Variants in KIAA1671 observed in about 807,000 individuals in gnomAD.
The protein encoded by KIAA1671 is uncharacterized protein KIAA1671.
In KIAA1671, 52 loss-of-function variants were observed where a neutral mutation model predicts 131.2. That is an observed-to-expected ratio of 0.40 (90% CI 0.32 to 0.50). KIAA1671 has a LOEUF of 0.50. Ranked by LOEUF, KIAA1671 falls within the 20% of genes least tolerant of loss-of-function variation. KIAA1671 has a pLI of 0.73. For synonymous variants in KIAA1671, 1,003 were observed against 961.6 expected, an observed-to-expected ratio of 1.04 and a Z score of -0.80; for missense variants, 2,360 against 2,364.2, an observed-to-expected ratio of 1.00 and a Z score of 0.04.
chr22:25,163,350 T>A (rs1195979768), intron 6 of KIAA1671, among the ~76,000 whole-genome samples: 1 of 146,216 alleles, frequency 6.8e-6, no homozygotes, highest in African/African-American at 2.5e-5. Flanking sequence ...TTTTTTTTTT[T>A]TTTTTTTTTT....
chr22:25,111,071 A>G (rs1027877782), intron 6 of KIAA1671: 2 of 152,522 alleles, frequency 1.3e-5, no homozygotes, highest in Non-Finnish European at 2.9e-5. Context: ...GAGGGAGGAG[A>G]GCGAGGCTGA....
At chr22:25,144,748 T>C (rs1932851993) in intron 6 of KIAA1671, among the ~76,000 whole-genome samples, 1 of 152,128 alleles carries the variant, frequency 6.6e-6, no homozygotes, top group Non-Finnish European at 1.5e-5. Context: ...AGGGCCCCAC[T>C]CCCAGGCATA....
intron 6 of KIAA1671, among the ~76,000 whole-genome samples, chr22:25,146,424 G>T (rs1332632067): frequency 3.9e-5 from 6 of 152,168 alleles, no homozygotes. Context: ...TTGCCCCCAG[G>T]CCTCACCAAC....
intron 7 of KIAA1671, among the ~76,000 whole-genome samples, chr22:25,171,520 T>A (rs1194478092): frequency 6.6e-6 from 1 of 152,156 alleles, no homozygotes. Context: ...GAGACCAGCC[T>A]GGCCAACATG....
chr22:25,164,438 A>G (rs1485711443), intron 6 of KIAA1671, among the ~76,000 whole-genome samples: 1 of 152,210 alleles, frequency 6.6e-6, no homozygotes, highest in Non-Finnish European at 1.5e-5. Flanking sequence ...TTGACATACG[A>G]CCAAACCAAG....
chr22:25,062,108 A>G, intron 6 of KIAA1671: 1 of 150,692 alleles, frequency 6.6e-6, no homozygotes, highest in Non-Finnish European at 1.5e-5. Flanking sequence ...GCTGGTATTG[A>G]ACTCCTGGGC....
chr22:25,157,902 A>G (rs1427452812), intron 6 of KIAA1671, among the ~76,000 whole-genome samples: 3 of 149,718 alleles, frequency 2.0e-5, no homozygotes, highest in Non-Finnish European at 4.4e-5. Flanking sequence ...GCTTACTGCA[A>G]CCTCCACCTC....
At chr22:25,091,572 G>T (rs962594387) in intron 6 of KIAA1671, among the ~76,000 whole-genome samples, 5 of 152,176 alleles carry the variant, frequency 3.3e-5, no homozygotes, top group Admixed American at 2.0e-4. Context: ...AGCAGAGATA[G>T]AAATCTGAAC....
At chr22:25,061,441 C>G (rs1602107572) in intron 6 of KIAA1671, 1 of 152,216 alleles carries the variant, frequency 6.6e-6, no homozygotes, top group Non-Finnish European at 1.5e-5. Flanking sequence ...AGACCGTGAG[C>G]CCCGCTGAGG....
At chr22:25,157,419 G>A (rs1933280147) in intron 6 of KIAA1671, among the ~76,000 whole-genome samples, 1 of 152,082 alleles carries the variant, frequency 6.6e-6, no homozygotes, top group African/African-American at 2.4e-5. Flanking sequence ...AATCTTGGAG[G>A]TCGTTCCATG....
rs1375716988 is a variant in KIAA1671, at chr22:25,170,863, A to G, written c.4574A>G (p.Lys1525Arg). The change falls in exon 7 of 13, where the codon AAG becomes AGG. Residue 1525 changes from lysine to arginine, a missense_variant. Physicochemically the swap from Lys to Arg is conservative, Grantham distance 26. Transcript: ENST00000358431. ...TTCTCCCGGCAGCCCACTGAACCCA[A>G]GGACACTGACACCCTCGTGCACGAA... ...QCFSRQPTEP[K>R]DTDTLVHEAG... 3 of 1,551,714 alleles carry G rather than the reference A, an allele frequency of 1.9e-6. No individual in the cohort carries two copies. The highest frequency in any genetic ancestry group is 4.9e-5 in the East Asian group (2 of 40,914).
chr22:24,998,910 G>T (rs1183071134), intron 1 of KIAA1671, among the ~76,000 whole-genome samples: 1 of 151,560 alleles, frequency 6.6e-6, no homozygotes, highest in African/African-American at 2.4e-5. Context: ...ATCAAATGTA[G>T]TGCTGATGGA....
At chr22:25,037,337 A>AG (rs1428695789) in intron 4 of KIAA1671, among the ~76,000 whole-genome samples, 52 of 152,272 alleles carry the variant, frequency 3.4e-4, no homozygotes, top group African/African-American at 1.2e-3. Context: ...ATATGTATAT[A>AG]TGTGTATATT....
At chr22:25,159,099 C>T (rs556019735) in intron 6 of KIAA1671, among the ~76,000 whole-genome samples, 4 of 152,176 alleles carry the variant, frequency 2.6e-5, no homozygotes, top group East Asian at 3.9e-4. Flanking sequence ...CCTCTGAGGC[C>T]GACAGGAGCC....
intron 1 of KIAA1671, among the ~76,000 whole-genome samples, chr22:25,015,327 C>G (rs1257086968): frequency 6.6e-6 from 1 of 151,152 alleles, no homozygotes; most frequent in Non-Finnish European, 1.5e-5. Context: ...ATTTGCAAAA[C>G]CAGGCAGTGG....
At chr22:25,078,392 A>G (rs544450876) in intron 6 of KIAA1671, among the ~76,000 whole-genome samples, 2 of 152,260 alleles carry the variant, frequency 1.3e-5, no homozygotes, top group African/African-American at 4.8e-5. Context: ...AGCCAAGTAT[A>G]ATGGTGTACG....
chr22:25,104,755 TC>T (rs1930900509), intron 6 of KIAA1671, among the ~76,000 whole-genome samples: 1 of 152,138 alleles, frequency 6.6e-6, no homozygotes, highest in East Asian at 1.9e-4. Context: ...ATTTTTTTTT[TC>T]CTATTTCTTT....
At chr22:25,190,122 A>G (rs1934621936) in intron 11 of KIAA1671, among the ~76,000 whole-genome samples, 1 of 152,162 alleles carries the variant, frequency 6.6e-6, no homozygotes, top group Non-Finnish European at 1.5e-5. Flanking sequence ...TGTAATTAGA[A>G]TGAAATAATT....
At chr22:25,123,673 G>A (rs1339651513) in intron 6 of KIAA1671, among the ~76,000 whole-genome samples, 1 of 152,170 alleles carries the variant, frequency 6.6e-6, no homozygotes, top group Non-Finnish European at 1.5e-5. Flanking sequence ...TGGCACACAG[G>A]TGAGCTTGGA....
Sources: gnomAD v4.1 joint callset for allele counts (sites outside exome capture counted in the v4.1 genomes callset) on GRCh38, gnomAD v4.1.1 for gene constraint, MANE v1.5 for transcripts, NCBI Gene and HGNC (gene_info 2026-07-23, HGNC 2026-07-21) for gene names.